The following MYO18B variants were observed in gnomAD, a reference collection of about 807,000 sequenced individuals.
MYO18B encodes unconventional myosin-XVIIIb.
Under a neutral mutation model 273.0 loss-of-function variants are expected in MYO18B, and 204 were observed. The observed-to-expected ratio is 0.75, with a 90% confidence interval of 0.67 to 0.84. The LOEUF (loss-of-function observed/expected upper bound fraction) is 0.84, where lower values mean the gene tolerates loss of function less well. Ranked by LOEUF, MYO18B falls within the 40% of genes least tolerant of loss-of-function variation. The pLI is 0.00. For missense variants in MYO18B, 3,212 were observed against 3,287.6 expected, an observed-to-expected ratio of 0.98 and a Z score of 0.56; for synonymous variants, 1,330 against 1,305.7, an observed-to-expected ratio of 1.02 and a Z score of -0.40.
chr22:25,886,862 C>T (rs2091516078), intron 25 of MYO18B, among the ~76,000 whole-genome samples: 1 of 152,160 alleles, frequency 6.6e-6, no homozygotes, highest in Non-Finnish European at 1.5e-5. Context: ...CTCCCTCTCT[C>T]AACTCCCCAG....
intron 3 of MYO18B, among the ~76,000 whole-genome samples, chr22:25,763,659 A>G (rs890379205): frequency 2.0e-5 from 3 of 152,340 alleles, no homozygotes; most frequent in African/African-American, 7.2e-5. Flanking sequence ...TGGTTGGCAT[A>G]GTACTTATTT....
intron 22 of MYO18B, among the ~76,000 whole-genome samples, chr22:25,869,716 A>G (rs1442916790): frequency 1.3e-5 from 2 of 152,098 alleles, no homozygotes; most frequent in African/African-American, 4.8e-5. Flanking sequence ...AGCCCTCCCT[A>G]TCATATGCAT....
intron 11 of MYO18B, among the ~76,000 whole-genome samples, chr22:25,797,653 A>G (rs2087978559): frequency 6.6e-6 from 1 of 152,134 alleles, no homozygotes; most frequent in Non-Finnish European, 1.5e-5. Flanking sequence ...GGCTTTGCTC[A>G]TCTTTGCATC....
intron 33 of MYO18B, among the ~76,000 whole-genome samples, chr22:25,917,516 TTTTCTA>T (rs980536392): frequency 2.8e-4 from 42 of 151,258 alleles, no homozygotes; most frequent in African/African-American, 9.5e-4. Flanking sequence ...CTGCAAGACT[TTTTCTA>T]TTTCATTTTA....
In MYO18B at chr22:25,763,260, A is replaced by G. The variant is rs1568980418; in HGVS notation, c.69A>G (p.Pro23=). The change falls in exon 3 of 44, where the codon CCA becomes CCG. Residue 23 remains proline, a synonymous_variant. Transcript: ENST00000335473. ...GGGAAGAGGACAAGAGCCCTCCACC[A>G]TCCTCGCCCCCTCCTCTTTTCTCTG... The part of the protein sequence containing the change: ...KIREEDKSPP[P]SSPPPLFSVI... 8.1e-6 allele frequency: 13 copies of G among 1,610,666 alleles called. No homozygotes were observed. The highest frequency in any genetic ancestry group is 1.7e-5 in the Admixed American group (1 of 59,220).
intron 43 of MYO18B, among the ~76,000 whole-genome samples, chr22:26,029,490 G>A (rs550803829): frequency 6.6e-6 from 1 of 152,158 alleles, no homozygotes; most frequent in Admixed American, 6.5e-5. Flanking sequence ...ATGCTCTCGG[G>A]GACACAGAAA....
In MYO18B at chr22:25,947,705, C is replaced by T. The variant is rs752914492; in HGVS notation, c.5632-7C>T. On this transcript the variant is annotated splice_polypyrimidine_tract_variant and splice_region_variant and intron_variant, in intron 35 of 43. Transcript: ENST00000335473. The stretch of plus-strand genomic sequence containing the variant: ...CCTTGCCTTGACCACTGATCTGCCT[C>T]CCCCAGGTGGATGAGCAGCTGTACA... 7 of 1,611,100 alleles carry T rather than the reference C, an allele frequency of 4.3e-6. No individual in the cohort carries two copies. In the African/African-American group the frequency reaches 5.3e-5, roughly 12 times the overall value.
At chr22:25,984,321 T>C (rs548969468) in intron 39 of MYO18B, among the ~76,000 whole-genome samples, 1 of 152,266 alleles carries the variant, frequency 6.6e-6, no homozygotes, top group African/African-American at 2.4e-5. Flanking sequence ...TTTGCATCTC[T>C]CCCTCTCCCC....
At chr22:25,812,195 C>T (rs1038713940) in intron 12 of MYO18B, among the ~76,000 whole-genome samples, 2 of 152,174 alleles carry the variant, frequency 1.3e-5, no homozygotes, top group Admixed American at 6.5e-5. Flanking sequence ...GTCCTCTCCT[C>T]CAAGACAGGC....
chr22:26,037,392 C>G, the MYO18B span, among the ~76,000 whole-genome samples: 4 of 152,140 alleles, frequency 2.6e-5, no homozygotes, highest in Admixed American at 6.5e-5. Flanking sequence ...TGAGGCTCAG[C>G]AAGGCCAAGT....
intron 25 of MYO18B, among the ~76,000 whole-genome samples, chr22:25,879,597 TG>T (rs932811637): frequency 8.5e-5 from 13 of 152,224 alleles, no homozygotes; most frequent in Middle Eastern, 3.4e-3. Flanking sequence ...TTTCATGGGC[TG>T]GGGGTGACTA....
chr22:25,762,723 A>G (rs576974760), intron 2 of MYO18B, among the ~76,000 whole-genome samples: 25 of 152,398 alleles, frequency 1.6e-4, no homozygotes, highest in African/African-American at 6.0e-4. Flanking sequence ...AGGTCCTTAT[A>G]TAAGTCATGG....
chr22:25,952,348 C>T lies in MYO18B; in HGVS notation c.5895C>T (p.Val1965=), dbSNP rs767011072. 5 of 1,612,484 alleles carry T rather than the reference C, an allele frequency of 3.1e-6. No homozygotes were observed. In the Admixed American group the frequency reaches 5.0e-5, roughly 16 times the overall value. The change falls in exon 38 of 44, where the codon GTC becomes GTT. Residue 1965 remains valine, a synonymous_variant. Transcript: ENST00000335473. ...AGTCCACCGTGGATCGAGCCATCGT[C>T]AGCAGGCAGGAGGCGGTCATCTGTG... ...LEQSTVDRAI[V]SRQEAVICDL... is the part of the protein sequence containing the mutation.
chr22:25,761,323 T>G (rs1297515678), intron 2 of MYO18B, among the ~76,000 whole-genome samples, 192 bp downstream of exon 2: 1 of 140,566 alleles, frequency 7.1e-6, no homozygotes, highest in South Asian at 2.3e-4. Flanking sequence ...AGCTGGACAC[T>G]GATGGCCATA....
At chr22:25,886,947 A>G (rs998543511) in intron 25 of MYO18B, among the ~76,000 whole-genome samples, 1 of 152,222 alleles carries the variant, frequency 6.6e-6, no homozygotes. Context: ...GGCAAATGAC[A>G]TATGCCAAAT....
At chr22:26,004,108 C>A (rs1173128367) in intron 41 of MYO18B, among the ~76,000 whole-genome samples, 1 of 151,272 alleles carries the variant, frequency 6.6e-6, no homozygotes, top group East Asian at 1.9e-4. Context: ...TATACACATA[C>A]ACACATATAA....
In MYO18B at chr22:25,752,234, C is replaced by T. The variant is rs369974278; in HGVS notation, c.-109-8750C>T. 1.8e-3 allele frequency among the ~76,000 whole-genome samples: 263 copies of T among 148,586 alleles called. 9 individuals are homozygous for T. The South Asian group carries it at 0.032, about 18-fold the overall frequency. Reference sequence around the variant, plus strand: ...ACGGAGTCTCGCTCTGTCGCCCAGGCTGGAGTGCAGTGGCGGGATCTCGGC... The same window carrying T: ...ACGGAGTCTCGCTCTGTCGCCCAGGTTGGAGTGCAGTGGCGGGATCTCGGC... On this transcript the variant is annotated intron_variant, in intron 1 of 43. Transcript: ENST00000335473.
rs1187200125 is a variant in MYO18B at position 25,763,083 on chromosome 22, C to T, written c.40-148C>T. On this transcript the variant is annotated intron_variant, in intron 2 of 43. Coordinates refer to ENST00000335473, the MANE Select transcript of MYO18B (RefSeq NM_032608.7). ...GACCCCCCTGAGTCGTGCTGGGCCT[C>T]ACCTGCTTGGCTGTGGCTTCTCATA... is the stretch of plus-strand genomic sequence containing the variant. The T allele has an allele frequency of 3.3e-6, 3 of 910,524 alleles. No homozygotes were observed. The African/African-American group carries it at 4.9e-5, about 15-fold the overall frequency. 56.4% of individuals were successfully genotyped at this position (910,524 alleles called of 1,614,324 possible).
chr22:25,998,153 G>A lies in MYO18B; in HGVS notation c.6288-5112G>A, dbSNP rs117241423. 1.1e-4 allele frequency among the ~76,000 whole-genome samples: 17 copies of A among 152,338 alleles called. No individual in the cohort carries two copies. In the East Asian group the frequency reaches 3.1e-3, roughly 28 times the overall value. On this transcript the variant is annotated intron_variant, in intron 40 of 43. Transcript: ENST00000335473. ...AGAAAGCCAGGTAGCCTATGTGGCA[G>A]CATTTAAACGTGTGCTCTCCTGCAC...
Sources: allele counts gnomAD v4.1 joint callset (sites outside exome capture counted in the v4.1 genomes callset), GRCh38; gene constraint gnomAD v4.1.1; transcripts MANE v1.5; gene names NCBI Gene and HGNC (gene_info 2026-07-23, HGNC 2026-07-21).